KLHL36: variants seen among roughly 807,000 people sequenced by gnomAD.
KLHL36 encodes the protein kelch-like protein 36.
KLHL36 carries 35 observed loss-of-function variants against 53.3 expected under a neutral mutation model. The observed-to-expected ratio is 0.66, with a 90% confidence interval of 0.50 to 0.87. The LOEUF is 0.87. KLHL36 is among the 40% of genes least tolerant of loss of function. KLHL36 has a pLI of 0.00. For synonymous variants in KLHL36, 472 were observed against 398.9 expected, an observed-to-expected ratio of 1.18 and a Z score of -2.18; for missense variants, 864 against 897.6, an observed-to-expected ratio of 0.96 and a Z score of 0.48.
chr16:84,656,445 T>C (rs1213767043), intron 2 of KLHL36, among the ~76,000 whole-genome samples: 2 of 151,392 alleles, frequency 1.3e-5, no homozygotes, highest in East Asian at 3.9e-4. Flanking sequence ...AAATTTTGTA[T>C]TTTTAGTAGA....
In KLHL36 at chr16:84,661,825, G is replaced by C; in HGVS notation, c.1543G>C (p.Gly515Arg). The change falls in exon 5 of 5, where the codon GGC (glycine) becomes CGC (arginine). Residue 515 changes from glycine (G) to arginine (R), a missense_variant. By Grantham distance (125) the Gly-to-Arg change is moderately radical. Coordinates refer to ENST00000564996, the MANE Select transcript of KLHL36 (RefSeq NM_024731.4). This position sits in a 1 kb window ranked among gnomAD's most constrained non-coding sequence, Gnocchi z 7.9. ...GTCCATGGAGCGCTTCGACGTGCTG[G>C]GCGTGGAGGCCTACAGCCCGCAGTG... is the stretch of plus-strand genomic sequence containing the variant. ...IESMERFDVL[G>R]VEAYSPQCNQ... is the part of the protein sequence containing the mutation. The C allele has an allele frequency of 6.2e-7, 1 of 1,608,316 alleles. No individual in the cohort carries two copies. The highest frequency in any genetic ancestry group is 8.5e-7 in the Non-Finnish European group (1 of 1,175,664).
intron 3 of KLHL36, 123 bp downstream of exon 3, chr16:84,658,067 T>C (rs1309511525): frequency 9.0e-6 from 7 of 775,818 alleles, no homozygotes; most frequent in African/African-American, 7.1e-5. Flanking sequence ...TGAGGTGTGA[T>C]GATAAAGTGA....
At chr16:84,651,332 G>A (rs1243068735) in intron 2 of KLHL36, among the ~76,000 whole-genome samples, 2 of 152,110 alleles carry the variant, frequency 1.3e-5, no homozygotes, top group Non-Finnish European at 2.9e-5. Context: ...GCAACACACC[G>A]TGTACCCGGA....
intron 1 of KLHL36, among the ~76,000 whole-genome samples, chr16:84,650,538 G>C (rs1163676247): frequency 6.6e-6 from 1 of 152,030 alleles, no homozygotes; most frequent in Non-Finnish European, 1.5e-5. Flanking sequence ...CTGTAGTCTG[G>C]GCTCCGAAAT....
At chr16:84,659,015 T>A (rs1907388324) in intron 3 of KLHL36, 1 of 152,094 alleles carries the variant, frequency 6.6e-6, no homozygotes, top group Non-Finnish European at 1.5e-5. Context: ...TTTGTGTGTG[T>A]GTGTGTGAGA....
chr16:84,654,183 C>A (rs1261382743), intron 2 of KLHL36, among the ~76,000 whole-genome samples: 1 of 152,236 alleles, frequency 6.6e-6, no homozygotes, highest in Non-Finnish European at 1.5e-5. Flanking sequence ...CAGCCAGGGT[C>A]CCCGGGTGGC....
In KLHL36 at chr16:84,667,360, C is replaced by G. The variant is rs1907898153; in HGVS notation, c.*5227C>G. On this transcript the variant is annotated 3_prime_UTR_variant, in exon 5 of 5. Transcript: ENST00000564996. ...AAGTGATTCATTGGGTATGTTCTGGCTACTGATGTTACTGAAATCTGCAAT... is the reference window on the plus strand; with the variant it reads ...AAGTGATTCATTGGGTATGTTCTGGGTACTGATGTTACTGAAATCTGCAAT... 1 of 152,210 alleles carries G rather than the reference C, an allele frequency of 6.6e-6. No homozygotes were observed. The highest frequency in any genetic ancestry group is 2.1e-4 in the South Asian group (1 of 4,830). The allele number at this position is 152,210 out of a possible 1,614,324, so 9.4% of individuals were successfully genotyped here. A position where few individuals can be genotyped will look rare whatever the true frequency, so the allele number is the denominator to read the frequency against.
intron 3 of KLHL36, 163 bp from the exon 4 acceptor site, chr16:84,659,597 A>G: frequency 1.4e-6 from 1 of 702,142 alleles, no homozygotes; most frequent in Non-Finnish European, 2.3e-6. Context: ...TCGGGGGCTC[A>G]GAGCTCCCAC....
At chr16:84,655,561 A>G (rs1907150696) in intron 2 of KLHL36, among the ~76,000 whole-genome samples, 1 of 151,886 alleles carries the variant, frequency 6.6e-6, no homozygotes, top group Non-Finnish European at 1.5e-5. Flanking sequence ...AAAATTAGCC[A>G]GGCATGGTGG....
rs1907448381 is a variant in KLHL36, at chr16:84,659,917, G to C, written c.1295G>C (p.Arg432Thr). ...TGGTCCTATGTGGCCGGCTTGCCAA[G>C]GTGATCTGGGGCTTGGTGGAAGGTT... ...DSWSYVAGLP[R>T]FTYGHAGTIY... The change falls in exon 4 of 5, where the codon AGG becomes ACG. Residue 432 changes from arginine (R) to threonine (T), a missense_variant and splice_region_variant. Arg to Thr is a moderately conservative substitution (Grantham distance 71). Coordinates refer to ENST00000564996, the MANE Select transcript of KLHL36 (RefSeq NM_024731.4). The C allele has an allele frequency of 6.2e-7, 1 of 1,602,900 alleles. No homozygotes were observed. The highest frequency in any genetic ancestry group is 1.3e-5 in the African/African-American group (1 of 74,710).
rs111280264 is a variant in KLHL36, at chr16:84,664,967, A to G, written c.*2834A>G. 57 of 152,358 alleles carry G rather than the reference A, an allele frequency of 3.7e-4. No individual in the cohort carries two copies. Among genetic ancestry groups the G allele is most frequent in the African/African-American group, 1.3e-3 (56 of 41,578 alleles). 9.4% of individuals were successfully genotyped at this position (152,358 alleles called of 1,614,324 possible). On this transcript the variant is annotated 3_prime_UTR_variant, in exon 5 of 5. Transcript: ENST00000564996. ...CCTGAGCCTGGGAGGTTGAGGCTGC[A>G]GTGAGCTATGACCACACCACTGCAC... is the stretch of plus-strand genomic sequence containing the variant.
At chr16:84,649,883 A>G (rs1364240363) in intron 1 of KLHL36, among the ~76,000 whole-genome samples, 1 of 151,864 alleles carries the variant, frequency 6.6e-6, no homozygotes, top group Non-Finnish European at 1.5e-5. Context: ...CCTTCGTCTC[A>G]GTATGTGACT....
At position 84,653,840 on chromosome 16, in the gene KLHL36, CAAAAAAAAA is replaced by C. The variant is rs67608719; in HGVS notation, c.63+2921_63+2929del. On this transcript the variant is annotated intron_variant, in intron 2 of 4. Coordinates refer to ENST00000564996, the MANE Select transcript of KLHL36 (RefSeq NM_024731.4). ...GGGCAACAGAGGGAGGCTCTGTATCCAAAAAAAAAAAAAAAAAAAGGGAACTCGTGTGCC... is the reference window on the plus strand; with the variant it reads ...GGGCAACAGAGGGAGGCTCTGTATCCAAAAAAAAAAGGGAACTCGTGTGCC... Among the ~76,000 whole-genome samples, 34 of 111,800 alleles carry C rather than the reference CAAAAAAAAA, an allele frequency of 3.0e-4. No homozygotes were observed. In the South Asian group the frequency reaches 3.8e-3, roughly 13 times the overall value. The allele number at this position is 111,800 out of a possible 152,430, so 73.3% of individuals were successfully genotyped here.
intron 4 of KLHL36, among the ~76,000 whole-genome samples, chr16:84,660,273 G>A (rs9319452): frequency 0.29 from 43,355 of 151,988 alleles, 6,339 homozygotes; most frequent in Non-Finnish European, 0.32. Flanking sequence ...CTAAGCCTCA[G>A]GCATGGGTCT....
Position 84,659,929 on chromosome 16 carries a change from C to A in KLHL36, c.1295+12C>A. ...GCCGGCTTGCCAAGGTGATCTGGGG[C>A]TTGGTGGAAGGTTCTCCAAATGGGA... is the stretch of plus-strand genomic sequence containing the variant. On this transcript the variant is annotated intron_variant, in intron 4 of 4. Coordinates refer to ENST00000564996, the MANE Select transcript of KLHL36 (RefSeq NM_024731.4). 1.9e-6 allele frequency: 3 copies of A among 1,599,482 alleles called. No individual in the cohort carries two copies. Among genetic ancestry groups the A allele is most frequent in the Non-Finnish European group, 1.7e-6 (2 of 1,168,348 alleles).
rs1006183080 is a variant in KLHL36, at chr16:84,657,910, A to G, written c.1103A>G (p.Tyr368Cys). 3 of 1,544,426 alleles carry G rather than the reference A, an allele frequency of 1.9e-6. No individual in the cohort carries two copies. The highest frequency in any genetic ancestry group is 2.6e-6 in the Non-Finnish European group (3 of 1,144,954). The change falls in exon 3 of 5, where the codon TAT becomes TGT. Residue 368 changes from tyrosine to cysteine, a missense_variant. Tyr to Cys is a radical substitution (Grantham distance 194). Transcript: ENST00000564996. ...NGGDAASNLL[Y>C]RYDPRCKQWI... ...GGGGATGCGGCCTCCAATCTTCTTT[A>G]TAGGTATGACCCCCGCTGTAAACAG...
At chr16:84,654,841 C>G (rs981453641) in intron 2 of KLHL36, among the ~76,000 whole-genome samples, 3 of 152,166 alleles carry the variant, frequency 2.0e-5, no homozygotes, top group Middle Eastern at 3.2e-3. Context: ...AACTCCTGAC[C>G]TCAGGTGACC....
Position 84,657,229 on chromosome 16 carries a change from A to G in KLHL36, c.422A>G (p.Gln141Arg). ...GACTTCTGCTGTGAGTACCTGGAGC[A>G]GGAGGTGAGCGAGGACAACTACCTG... ...VVDFCCEYLEQEVSEDNYLYL... is the reference protein window; with the variant it reads ...VVDFCCEYLEREVSEDNYLYL... The change falls in exon 3 of 5, where the codon CAG (glutamine) becomes CGG (arginine). Residue 141 changes from glutamine to arginine, a missense_variant. Gln to Arg is a conservative substitution (Grantham distance 43). Transcript: ENST00000564996. The G allele has an allele frequency of 1.2e-6, 2 of 1,614,194 alleles. No homozygotes were observed. The highest frequency in any genetic ancestry group is 1.7e-6 in the Non-Finnish European group (2 of 1,180,020).
intron 1 of KLHL36, 44 bp from the exon 2 acceptor site, chr16:84,650,808 C>T (rs867933025): frequency 1.7e-5 from 24 of 1,398,706 alleles, no homozygotes; most frequent in Middle Eastern, 1.8e-4. Context: ...AATGAATGAC[C>T]TAGAGTTATG....
Sources: gnomAD v4.1 joint callset for allele counts (sites outside exome capture counted in the v4.1 genomes callset) on GRCh38, gnomAD v4.1.1 for gene constraint, Gnocchi (gnomAD v3.1) non-coding constraint, MANE v1.5 for transcripts, NCBI Gene and HGNC (gene_info 2026-07-23, HGNC 2026-07-21) for gene names.